Variants in VDAC1 observed in about 807,000 individuals in gnomAD.
The protein encoded by VDAC1 is voltage dependent anion channel 1, also known as non-selective voltage-gated ion channel VDAC1.
VDAC1 carries 10 observed loss-of-function variants against 34.7 expected under a neutral mutation model. That is an observed-to-expected ratio of 0.29 (90% CI 0.18 to 0.49). The LOEUF (loss-of-function observed/expected upper bound fraction) is 0.49. Ranked by LOEUF, VDAC1 falls within the 20% of genes least tolerant of loss-of-function variation. VDAC1 has a pLI of 0.99. For missense variants in VDAC1, 230 were observed against 347.9 expected, an observed-to-expected ratio of 0.66 and a Z score of 2.69; for synonymous variants, 130 against 136.0, an observed-to-expected ratio of 0.96 and a Z score of 0.30.
chr5:133,992,848 G>A (rs1032404575), intron 2 of VDAC1, 98 bp downstream of exon 2: 41 of 1,180,832 alleles, frequency 3.5e-5, no homozygotes, highest in Non-Finnish European at 4.9e-5. Flanking sequence ...GTTCAGAACA[G>A]CTGACCTACC....
chr5:134,039,608 C>T, the VDAC1 span, among the ~76,000 whole-genome samples: 2 of 152,300 alleles, frequency 1.3e-5, no homozygotes, highest in South Asian at 2.1e-4. Context: ...GGATTACAGG[C>T]GTGAGCCACC....
chr5:134,069,625 G>A, the VDAC1 span, among the ~76,000 whole-genome samples: 1 of 152,232 alleles, frequency 6.6e-6, no homozygotes, highest in South Asian at 2.1e-4. Context: ...GGGAGTGAGG[G>A]GGTCTCACTC....
intron 5 of VDAC1, among the ~76,000 whole-genome samples, chr5:133,981,789 T>G (rs550763024): frequency 6.6e-6 from 1 of 151,708 alleles, no homozygotes. Context: ...ACATGGATCA[T>G]TTTTATCTGA....
upstream of VDAC1, among the ~76,000 whole-genome samples, chr5:134,008,020 C>T (rs982503799): frequency 1.3e-5 from 2 of 152,160 alleles, no homozygotes; most frequent in African/African-American, 4.8e-5. Flanking sequence ...GGTCAGCAAG[C>T]TTTCATGGAG....
chr5:134,064,219 G>T, the VDAC1 span, among the ~76,000 whole-genome samples: 3 of 151,968 alleles, frequency 2.0e-5, no homozygotes, highest in Admixed American at 1.3e-4. Flanking sequence ...TTGGGCAAGT[G>T]ATTCTCCTGC....
chr5:134,063,083 A>G, the VDAC1 span, among the ~76,000 whole-genome samples: 1 of 152,242 alleles, frequency 6.6e-6, no homozygotes, highest in Non-Finnish European at 1.5e-5. Flanking sequence ...ATAATTTTAG[A>G]CTTACAAAAA....
At chr5:133,997,472 C>T (rs138646008) in intron 1 of VDAC1, among the ~76,000 whole-genome samples, 4 of 150,396 alleles carry the variant, frequency 2.7e-5, no homozygotes, top group East Asian at 2.0e-4. Flanking sequence ...CTGAGGTGGG[C>T]GGATCACTTC....
the VDAC1 span, among the ~76,000 whole-genome samples, chr5:134,101,182 G>A: frequency 6.6e-6 from 1 of 152,174 alleles, no homozygotes; most frequent in Non-Finnish European, 1.5e-5. Flanking sequence ...CACCCTCAAG[G>A]GACCAGCATG....
the VDAC1 span, among the ~76,000 whole-genome samples, chr5:134,083,904 G>T: frequency 2.0e-5 from 3 of 152,206 alleles, no homozygotes; most frequent in Non-Finnish European, 4.4e-5. Flanking sequence ...ATAAGTCGAG[G>T]TGGAGTGGTG....
chr5:134,083,327 T>G, the VDAC1 span, among the ~76,000 whole-genome samples: 2 of 151,948 alleles, frequency 1.3e-5, no homozygotes, highest in Non-Finnish European at 2.9e-5. Context: ...TAGCTGGGAC[T>G]ACAGGCACCT....
At chr5:134,061,563 G>T in the VDAC1 span, among the ~76,000 whole-genome samples, 3 of 151,302 alleles carry the variant, frequency 2.0e-5, no homozygotes, top group Admixed American at 6.6e-5. Context: ...TGTAGAGATG[G>T]GGTCTCCCTA....
At chr5:134,055,967 G>A in the VDAC1 span, among the ~76,000 whole-genome samples, 6 of 151,570 alleles carry the variant, frequency 4.0e-5, no homozygotes, top group South Asian at 4.2e-4. Flanking sequence ...GGCCAGGCGC[G>A]GTGGCTCACG....
the VDAC1 span, among the ~76,000 whole-genome samples, chr5:134,026,012 T>C: frequency 6.6e-6 from 1 of 150,660 alleles, no homozygotes; most frequent in Non-Finnish European, 1.5e-5. Flanking sequence ...GGGGAGGGAG[T>C]TGCCTGGAAT....
chr5:134,046,386 G>T, the VDAC1 span, among the ~76,000 whole-genome samples: 2 of 151,614 alleles, frequency 1.3e-5, no homozygotes, highest in Non-Finnish European at 2.9e-5. Flanking sequence ...GCCCAGGCTG[G>T]TCTTGAACTC....
At chr5:134,027,231 T>C in the VDAC1 span, among the ~76,000 whole-genome samples, 1 of 152,154 alleles carries the variant, frequency 6.6e-6, no homozygotes, top group Non-Finnish European at 1.5e-5. Flanking sequence ...TGCTGAGACG[T>C]CCCTGGATCA....
the VDAC1 span, among the ~76,000 whole-genome samples, chr5:134,085,430 T>C: frequency 1.1e-4 from 16 of 152,148 alleles, no homozygotes. Context: ...TTGGAGGTCT[T>C]TGAACATGCC....
intron 3 of VDAC1, 127 bp from the exon 4 acceptor site, chr5:133,991,281 T>C (rs1350025107): frequency 1.7e-6 from 2 of 1,162,902 alleles, no homozygotes; most frequent in Non-Finnish European, 2.4e-6. Flanking sequence ...CAAGGCTAAC[T>C]CTACAATTCA....
At chr5:134,047,748 C>G in the VDAC1 span, among the ~76,000 whole-genome samples, 2 of 152,182 alleles carry the variant, frequency 1.3e-5, no homozygotes, top group African/African-American at 4.8e-5. Context: ...ATGGGCAAAA[C>G]AAATCTGCAC....
the VDAC1 span, among the ~76,000 whole-genome samples, chr5:134,031,000 C>T: frequency 6.6e-6 from 1 of 152,026 alleles, no homozygotes; most frequent in Non-Finnish European, 1.5e-5. Flanking sequence ...CCCAAGGGAC[C>T]CAACAACAGT....
Sources: allele counts gnomAD v4.1 joint callset (sites outside exome capture counted in the v4.1 genomes callset), GRCh38; gene constraint gnomAD v4.1.1; transcripts MANE v1.5; gene names NCBI Gene and HGNC (gene_info 2026-07-23, HGNC 2026-07-21).